The following ITGB5 variants were observed in gnomAD, a reference collection of about 807,000 sequenced individuals.
ITGB5 encodes integrin subunit beta 5, also known as integrin beta-5.
In ITGB5, 38 loss-of-function variants were observed where a neutral mutation model predicts 84.8. That is an observed-to-expected ratio of 0.45 (90% CI 0.35 to 0.59). The LOEUF (loss-of-function observed/expected upper bound fraction) is 0.59. Ranked by LOEUF, ITGB5 falls within the 20% of genes least tolerant of loss-of-function variation. The pLI is 0.01. For synonymous variants in ITGB5, 393 were observed against 414.4 expected (o/e 0.95, Z 0.63); for missense variants, 905 against 1,034.5 (o/e 0.87, Z 1.72).
At chr3:124,876,466 A>T (rs1385455735) in intron 1 of ITGB5, among the ~76,000 whole-genome samples, 2 of 152,138 alleles carry the variant, frequency 1.3e-5, no homozygotes, top group African/African-American at 4.8e-5. Flanking sequence ...CAGAAATCGC[A>T]AACGGCAAAA....
At chr3:124,820,814 G>A (rs1418408953) in intron 6 of ITGB5, among the ~76,000 whole-genome samples, 1 of 152,156 alleles carries the variant, frequency 6.6e-6, no homozygotes, top group African/African-American at 2.4e-5. Flanking sequence ...GTTATAGACT[G>A]TTGGGAGTAG....
chr3:124,896,811 A>G (rs1277521412), intron 1 of ITGB5, among the ~76,000 whole-genome samples: 1 of 151,190 alleles, frequency 6.6e-6, no homozygotes, highest in African/African-American at 2.4e-5. Flanking sequence ...CTGTTATCCC[A>G]GCATTTTGGG....
intron 10 of ITGB5, among the ~76,000 whole-genome samples, chr3:124,785,449 G>C (rs537596912): frequency 1.3e-5 from 2 of 152,158 alleles, no homozygotes; most frequent in Admixed American, 1.3e-4. Context: ...GCCAGGTGTG[G>C]TGGCAGGCGC....
Position 124,886,934 on chromosome 3 carries a change from C to T in ITGB5, c.67G>A (p.Ala23Thr). The change falls in exon 1 of 15, where the codon GCA becomes ACA. Residue 23 changes from alanine (A) to threonine (T), a missense_variant. Coordinates refer to ENST00000296181, the MANE Select transcript of ITGB5 (RefSeq NM_002213.5). ...LGLCALLPRL[A>T]GLNICTSGSA... ...CGCCGTGGGCGGCGCGGCTTACCTG[C>T]GAGCCGGGGCAGGAGCGCGCAGAGC... 1 of 1,212,824 alleles carries T rather than the reference C, an allele frequency of 8.2e-7. No homozygotes were observed. Among genetic ancestry groups the T allele is most frequent in the Non-Finnish European group, 1.0e-6 (1 of 975,850 alleles). 75.1% of individuals were successfully genotyped at this position (1,212,824 alleles called of 1,614,324 possible).
intron 1 of ITGB5, among the ~76,000 whole-genome samples, chr3:124,900,955 C>G (rs926595018): frequency 4.6e-5 from 7 of 152,148 alleles, no homozygotes; most frequent in African/African-American, 1.7e-4. Flanking sequence ...TATATGATCT[C>G]TAATGATTCA....
intron 1 of ITGB5, among the ~76,000 whole-genome samples, chr3:124,881,665 G>A (rs1274544455): frequency 6.6e-6 from 1 of 152,018 alleles, no homozygotes; most frequent in Non-Finnish European, 1.5e-5. Context: ...CTCCATACCA[G>A]CTCAAAAAAT....
intron 6 of ITGB5, among the ~76,000 whole-genome samples, chr3:124,820,633 T>A (rs1283162283): frequency 6.6e-6 from 1 of 152,142 alleles, no homozygotes; most frequent in East Asian, 1.9e-4. Flanking sequence ...GCCACCAGAA[T>A]GGATTTGAGA....
At chr3:124,773,971 C>T (rs1360852902) in intron 10 of ITGB5, 59 bp from the exon 11 acceptor site, 3 of 1,458,904 alleles carry the variant, frequency 2.1e-6, no homozygotes, top group Non-Finnish European at 2.9e-6. Context: ...AGCACATAAC[C>T]ATCTGGTGCC....
intron 9 of ITGB5, among the ~76,000 whole-genome samples, chr3:124,798,054 G>GTTTTTTTTTTTTTT (rs1559938870): frequency 4.7e-5 from 4 of 85,048 alleles, no homozygotes; most frequent in African/African-American, 1.6e-4. Flanking sequence ...CTAGAATAAA[G>GTTTTTTTTTTTTTT]CTTTTTTTTT....
chr3:124,766,403 A>C (rs1316608411), intron 12 of ITGB5, 58 bp from the exon 13 acceptor site: 8 of 1,595,948 alleles, frequency 5.0e-6, no homozygotes, highest in Non-Finnish European at 6.8e-6. Flanking sequence ...ACAGCCACTG[A>C]TGGTCGGGGC....
intron 6 of ITGB5, 74 bp from the exon 7 acceptor site, chr3:124,819,908 A>G (rs2064673906): frequency 9.3e-7 from 1 of 1,080,864 alleles, no homozygotes; most frequent in Admixed American, 1.7e-5. Flanking sequence ...TCCAATGCAC[A>G]GTCAGCAGCC....
Position 124,766,346 on chromosome 3 carries a change from C to A in ITGB5, c.2018-1G>T. On this transcript the variant is annotated splice_acceptor_variant, in intron 12 of 14. Coordinates refer to ENST00000296181, the MANE Select transcript of ITGB5 (RefSeq NM_002213.5). LOFTEE classifies it high-confidence loss of function. The stretch of plus-strand genomic sequence containing the variant: ...AGCACAGCCTCCTGGTCATCTTTCA[C>A]TGGAAGAAAACCAAGCGGGAATGGC... 6.2e-7 allele frequency: 1 copy of A among 1,613,880 alleles called. No individual in the cohort carries two copies. Among genetic ancestry groups the A allele is most frequent in the South Asian group, 1.1e-5 (1 of 90,992 alleles).
intron 5 of ITGB5, among the ~76,000 whole-genome samples, chr3:124,829,709 C>A (rs1019687139): frequency 5.9e-5 from 9 of 152,232 alleles, no homozygotes; most frequent in African/African-American, 2.2e-4. Flanking sequence ...CTTGAGGAAA[C>A]ACAGCCCTGC....
upstream of ITGB5, chr3:124,887,681 GC>G (rs1934894890): frequency 1.6e-5 from 7 of 451,580 alleles, no homozygotes; most frequent in South Asian, 1.1e-4. Flanking sequence ...AAGGGGCGGG[GC>G]ACGCTGTATT....
intron 1 of ITGB5, among the ~76,000 whole-genome samples, chr3:124,875,299 G>A (rs1017688214): frequency 7.9e-5 from 12 of 152,000 alleles, no homozygotes; most frequent in African/African-American, 2.9e-4. Context: ...GCAACATGGT[G>A]AAACCCCATC....
chr3:124,837,898 A>C lies in ITGB5; in HGVS notation c.780+3485T>G, dbSNP rs115856574. Among the ~76,000 whole-genome samples the C allele has an allele frequency of 1.9e-3, 284 of 152,230 alleles. 2 individuals are homozygous for C. The highest frequency in any genetic ancestry group is 6.6e-3 in the African/African-American group (275 of 41,528). On this transcript the variant is annotated intron_variant, in intron 5 of 14. Transcript: ENST00000296181. ...GCGCTGCCGGGGAATTGCCTGGCCA[A>C]CTCCAGCCCCTATGACGCACAGAGC...
rs569380930 is a variant in ITGB5 at position 124,880,928 on chromosome 3, CAAAAT to C, written c.70+5998_70+6002del. Among the ~76,000 whole-genome samples the C allele has an allele frequency of 2.2e-3, 338 of 151,582 alleles. 2 individuals are homozygous for C. The highest frequency in any genetic ancestry group is 7.9e-3 in the African/African-American group (328 of 41,310). ...TGGGCAACAGAGTGAGACTCCATCT[CAAAAT>C]AAAATAAAAAAGAAAGGGAAAAAGA... On this transcript the variant is annotated intron_variant, in intron 1 of 14. Coordinates refer to ENST00000296181, the MANE Select transcript of ITGB5 (RefSeq NM_002213.5).
At chr3:124,884,716 C>G (rs1016357126) in intron 1 of ITGB5, among the ~76,000 whole-genome samples, 1 of 151,986 alleles carries the variant, frequency 6.6e-6, no homozygotes, top group African/African-American at 2.4e-5. Context: ...AAAAGATAGG[C>G]AATGGGAAAA....
rs1264277230 is a variant in ITGB5, at chr3:124,764,398, T to G, written c.2297A>C (p.Tyr766Ser). The G allele has an allele frequency of 1.2e-6, 2 of 1,604,868 alleles. No homozygotes were observed. The highest frequency in any genetic ancestry group is 2.7e-5 in the African/African-American group (2 of 74,802). The change falls in exon 14 of 15, where the codon TAT becomes TCT. Residue 766 changes from tyrosine (Y) to serine (S), a missense_variant. Transcript: ENST00000296181. ...CATTTCCCACGTGCTTACCATTTCA[T>G]AGCGGGCCCTGGATCGCTCGCTCTG... ...KFQSERSRAR[Y>S]EMASNPLYRK...
Sources: gnomAD v4.1 joint callset for allele counts (sites outside exome capture counted in the v4.1 genomes callset) on GRCh38, gnomAD v4.1.1 for gene constraint, MANE v1.5 for transcripts, NCBI Gene and HGNC (gene_info 2026-07-23, HGNC 2026-07-21) for gene names.